TMEM235: variants seen among roughly 807,000 people sequenced by gnomAD.
The protein encoded by TMEM235 is claudin-27.
TMEM235 carries 23 observed loss-of-function variants against 22.9 expected under a neutral mutation model. That is an observed-to-expected ratio of 1.00 (90% CI 0.72 to 1.42). The LOEUF (loss-of-function observed/expected upper bound fraction) is 1.42, where lower values mean the gene tolerates loss of function less well. Among genes scored for constraint, TMEM235 ranks in the 40% most tolerant of loss-of-function variants. TMEM235 has a pLI of 0.00. For missense variants in TMEM235, 308 were observed against 299.5 expected (o/e 1.03, Z -0.21); for synonymous variants, 137 against 140.5 (o/e 0.98, Z 0.17).
rs1240998306 is a variant in TMEM235 at position 78,233,863 on chromosome 17, A to C, written c.191-32A>C. On this transcript the variant is annotated intron_variant, in intron 2 of 5. Coordinates refer to ENST00000421688, the Ensembl canonical transcript of TMEM235. ...GGCTGCTGGGTGCACCACAGCGTCCAGGCCCCAGGCTTCGAGGCCTATGTT... is the reference window on the plus strand; with the variant it reads ...GGCTGCTGGGTGCACCACAGCGTCCCGGCCCCAGGCTTCGAGGCCTATGTT... 4 of 1,534,316 alleles carry C rather than the reference A, an allele frequency of 2.6e-6. No individual in the cohort carries two copies. In the African/African-American group the frequency reaches 5.5e-5, roughly 21 times the overall value.
intron 4 of TMEM235, among the ~76,000 whole-genome samples, chr17:78,236,992 G>A (rs2076651615): frequency 6.6e-6 from 1 of 152,238 alleles, no homozygotes; most frequent in South Asian, 2.1e-4. Context: ...AGCGACTAGA[G>A]TGTAATTGGG....
chr17:78,239,020 C>A lies in TMEM235; in HGVS notation c.410-4C>A. On this transcript the variant is annotated splice_polypyrimidine_tract_variant and splice_region_variant and intron_variant, in intron 4 of 5. Coordinates refer to ENST00000421688, the Ensembl canonical transcript of TMEM235. ...AGCAGCTGCCCTCCCCATCTCTCCC[C>A]CAGGTGTCCTGACACTGGCGGGGGT... 6.5e-7 allele frequency: 1 copy of A among 1,537,456 alleles called. No homozygotes were observed. The highest frequency in any genetic ancestry group is 8.7e-7 in the Non-Finnish European group (1 of 1,143,210).
At chr17:78,233,868 C>G in intron 2 of TMEM235, 27 bp from the exon 2 acceptor site, 1 of 1,534,868 alleles carries the variant, frequency 6.5e-7, no homozygotes, top group Non-Finnish European at 8.7e-7. Flanking sequence ...CGTCCAGGCC[C>G]CAGGCTTCGA....
intron 4 of TMEM235, 139 bp downstream of exon 3, chr17:78,234,869 G>A: frequency 1.8e-6 from 2 of 1,122,240 alleles, no homozygotes; most frequent in Non-Finnish European, 2.5e-6. Flanking sequence ...TGGAGCCGTG[G>A]CAGGCAGCTC....
chr17:78,233,530 C>A (rs2076607245), intron 2 of TMEM235, among the ~76,000 whole-genome samples: 1 of 151,924 alleles, frequency 6.6e-6, no homozygotes, highest in Non-Finnish European at 1.5e-5. Flanking sequence ...CCCGTCTCTA[C>A]TAAAAATACA....
intron 4 of TMEM235, among the ~76,000 whole-genome samples, chr17:78,235,557 G>A (rs971058487): frequency 2.0e-5 from 3 of 150,070 alleles, no homozygotes; most frequent in Non-Finnish European, 4.4e-5. Context: ...TAAGTGCTGG[G>A]ATTATAGGTG....
In TMEM235 at chr17:78,233,903, G is replaced by A. The variant is rs1305149755; in HGVS notation, c.199G>A (p.Gly67Ser). Reference sequence around the variant, plus strand: ...AGGCCTATGTTTCCCAGGGCAGAACGGCTGCATCCCGCTGGTCGACCCTTT... The same window carrying A: ...AGGCCTATGTTTCCCAGGGCAGAACAGCTGCATCCCGCTGGTCGACCCTTT... The change falls in exon 3 of 6, where the codon GGC (glycine) becomes AGC (serine). Residue 67 changes from glycine to serine, a missense_variant. Physicochemically the swap from Gly to Ser is moderately conservative, Grantham distance 56 (BLOSUM62 0). Coordinates refer to ENST00000421688, the Ensembl canonical transcript of TMEM235. 17 of 1,535,800 alleles carry A rather than the reference G, an allele frequency of 1.1e-5. No individual in the cohort carries two copies. The highest frequency in any genetic ancestry group is 1.3e-5 in the Non-Finnish European group (15 of 1,146,854).
intron 4 of TMEM235, among the ~76,000 whole-genome samples, chr17:78,236,234 G>A (rs577494332): frequency 2.0e-5 from 3 of 152,036 alleles, no homozygotes; most frequent in Non-Finnish European, 4.4e-5. Context: ...CAGATCATGC[G>A]GGGGGGCCTG....
exon 6 of TMEM235, chr17:78,240,221 A>AT (rs2081106947): frequency 6.2e-6 from 3 of 482,376 alleles, no homozygotes; most frequent in African/African-American, 6.0e-5. Context: ...TGGGGGTGTC[A>AT]TGCCATGGTG....
In TMEM235 at chr17:78,237,826, C is replaced by T. The variant is rs1412497227; in HGVS notation, c.410-1198C>T. 6.6e-6 allele frequency among the ~76,000 whole-genome samples: 1 copy of T among 152,150 alleles called. No homozygotes were observed. The highest frequency in any genetic ancestry group is 6.5e-5 in the Admixed American group (1 of 15,286). Reference sequence around the variant, plus strand: ...GCCGGGCAGGCATCCGTGTGTCCTCCCTCCCTCAGCCTCCCCATGCCTTCT... The same window carrying T: ...GCCGGGCAGGCATCCGTGTGTCCTCTCTCCCTCAGCCTCCCCATGCCTTCT... On this transcript the variant is annotated intron_variant, in intron 4 of 5. Coordinates refer to ENST00000421688, the Ensembl canonical transcript of TMEM235. The surrounding 1 kb of genome is among the most constrained non-coding windows in gnomAD (Gnocchi z 4.7).
intron 2 of TMEM235, among the ~76,000 whole-genome samples, chr17:78,232,689 G>C (rs1218138729): frequency 6.6e-6 from 1 of 152,152 alleles, no homozygotes; most frequent in Non-Finnish European, 1.5e-5. Flanking sequence ...AGAGAGAAGG[G>C]GATCCCAGCA....
Position 78,238,801 on chromosome 17 carries a change from A to G in TMEM235, c.410-223A>G, listed in dbSNP as rs2076674064. The stretch of plus-strand genomic sequence containing the variant: ...TCCACTCCGCCAAATGCAGTTGACT[A>G]CCTTTAGCCCTGTCCAACCCCAAGC... On this transcript the variant is annotated intron_variant, in intron 4 of 5. Transcript: ENST00000421688. This position sits in a 1 kb window ranked among gnomAD's most constrained non-coding sequence, Gnocchi z 4.3. 6.6e-6 allele frequency among the ~76,000 whole-genome samples: 1 copy of G among 151,942 alleles called. No individual in the cohort carries two copies. The highest frequency in any genetic ancestry group is 2.1e-4 in the South Asian group (1 of 4,828).
chr17:78,238,878 C>T lies in TMEM235; in HGVS notation c.410-146C>T. 1 of 1,306,140 alleles carries T rather than the reference C, an allele frequency of 7.7e-7. No individual in the cohort carries two copies. Among genetic ancestry groups the T allele is most frequent in the Non-Finnish European group, 1.0e-6 (1 of 977,938 alleles). 80.9% of individuals were successfully genotyped at this position (1,306,140 alleles called of 1,614,324 possible). A position where few individuals can be genotyped will look rare whatever the true frequency, so the allele number is the denominator to read the frequency against. On this transcript the variant is annotated intron_variant, in intron 4 of 5. Transcript: ENST00000421688. The surrounding 1 kb of genome is among the most constrained non-coding windows in gnomAD (Gnocchi z 4.3). The stretch of plus-strand genomic sequence containing the variant: ...CAGGTTGACAGCCAGGCAGGGCTAA[C>T]CATGACAGGAAGGGCGGTGTGCTGC...
Position 78,234,535 on chromosome 17 carries a change from A to G in TMEM235, c.272-58A>G, listed in dbSNP as rs552328877. 96 of 1,530,588 alleles carry G rather than the reference A, an allele frequency of 6.3e-5. No homozygotes were observed. In the African/African-American group the frequency reaches 9.9e-4, roughly 16 times the overall value. 94.8% of individuals were successfully genotyped at this position (1,530,588 alleles called of 1,614,324 possible). On this transcript the variant is annotated intron_variant, in intron 3 of 5. Coordinates refer to ENST00000421688, the Ensembl canonical transcript of TMEM235. ...GCACCACGTCACTGTCCTCCGGCAG[A>G]CAAGTGCTGAAGGGCCCACCTGGAC...
At chr17:78,239,404 A>T in intron 5 of TMEM235, 131 bp downstream of exon 4, 1 of 1,107,480 alleles carries the variant, frequency 9.0e-7, no homozygotes, top group Non-Finnish European at 1.3e-6. Context: ...GGGGGTGACA[A>T]GGGGTGGAGG....
intron 2 of TMEM235, among the ~76,000 whole-genome samples, chr17:78,233,551 C>A (rs934243542): frequency 6.6e-6 from 1 of 152,058 alleles, no homozygotes; most frequent in Non-Finnish European, 1.5e-5. Context: ...AAAAATTAGC[C>A]GGGCACGGTG....
At chr17:78,235,600 T>G (rs1160328795) in intron 4 of TMEM235, among the ~76,000 whole-genome samples, 2 of 42,260 alleles carry the variant, frequency 4.7e-5, no homozygotes, top group Non-Finnish European at 1.1e-4. Flanking sequence ...TGCTACATAG[T>G]TTTTTTTTTT....
chr17:78,239,991 C>A, exon 6 of TMEM235: 1 of 1,541,288 alleles, frequency 6.5e-7, no homozygotes, highest in Admixed American at 2.0e-5. Context: ...CAGATGTACC[C>A]CTCTGCCCCC....
At chr17:78,234,054 C>A (rs1429369138) in intron 3 of TMEM235, 79 bp downstream of exon 2, 1 of 1,259,870 alleles carries the variant, frequency 7.9e-7, no homozygotes, top group Non-Finnish European at 1.1e-6. Context: ...CCATCCCCAT[C>A]CCGCAGCACT....
Sources: gnomAD v4.1 joint callset for allele counts (sites outside exome capture counted in the v4.1 genomes callset) on GRCh38, gnomAD v4.1.1 for gene constraint, Gnocchi (gnomAD v3.1) non-coding constraint, MANE v1.5 for transcripts, NCBI Gene and HGNC (gene_info 2026-07-23, HGNC 2026-07-21) for gene names.